The following FBN2 variants were observed in gnomAD, a reference collection of about 807,000 sequenced individuals.
FBN2 encodes the protein fibrillin-2.
A neutral mutation model predicts 355.6 loss-of-function variants in FBN2; 105 were observed. The ratio of observed to expected loss-of-function variants is 0.30; its 90% CI spans 0.25 to 0.35. The LOEUF (loss-of-function observed/expected upper bound fraction) is 0.35, where lower values mean the gene tolerates loss of function less well. Among genes scored for constraint, FBN2 ranks in the 10% least tolerant of loss-of-function variants. The pLI is 1.00. For synonymous variants in FBN2, 1,350 were observed against 1,301.2 expected, an observed-to-expected ratio of 1.04 and a Z score of -0.81; for missense variants, 3,280 against 3,758.7, an observed-to-expected ratio of 0.87 and a Z score of 3.33.
intron 5 of FBN2, among the ~76,000 whole-genome samples, chr5:128,490,749 A>G (rs952993946): frequency 8.5e-5 from 13 of 152,226 alleles, no homozygotes; most frequent in Non-Finnish European, 1.3e-4. Context: ...TAAATTCTTA[A>G]TGATAAATGC....
intron 15 of FBN2, among the ~76,000 whole-genome samples, chr5:128,372,015 A>G (rs1751957096): frequency 6.6e-6 from 1 of 152,200 alleles, no homozygotes; most frequent in African/African-American, 2.4e-5. Context: ...CCTAGATATG[A>G]TACCACTATT....
In FBN2 at chr5:128,318,856, A is replaced by G. The variant is rs762808907; in HGVS notation, c.4594+23T>C. Reference sequence around the variant, plus strand: ...ACTCATTTCAATGAATCAGAACACAACTTAGCTGGTAACTGACCATACCTG... The same window carrying G: ...ACTCATTTCAATGAATCAGAACACAGCTTAGCTGGTAACTGACCATACCTG... On this transcript the variant is annotated intron_variant, in intron 35 of 64. Coordinates refer to ENST00000262464, the MANE Select transcript of FBN2 (RefSeq NM_001999.4). 2.5e-6 allele frequency: 4 copies of G among 1,610,030 alleles called. No individual in the cohort carries two copies. In the South Asian group the frequency reaches 3.3e-5, roughly 13 times the overall value.
chr5:128,318,223 A>C lies in FBN2; in HGVS notation c.4643T>G (p.Val1548Gly). Residue 1548 changes from valine to glycine, a missense_variant, in exon 36 of 65, where the codon GTC becomes GGC. Val to Gly is a moderately radical substitution (Grantham distance 109). This residue lies in a region of FBN2 where 2,284 missense variants were observed against 2,749.5 expected (regional missense o/e 0.83). Transcript: ENST00000262464. Reference protein sequence around the residue: ...DPINCVNGLCVNTPGRYECNC... With the variant: ...DPINCVNGLCGNTPGRYECNC... ...ACACTCATAGCGACCAGGCGTGTTG[A>C]CACATAGGCCATTGACACAGTTTAT... 2 of 1,614,006 alleles carry C rather than the reference A, an allele frequency of 1.2e-6. No homozygotes were observed. The highest frequency in any genetic ancestry group is 1.7e-6 in the Non-Finnish European group (2 of 1,179,872).
At chr5:128,271,467 T>A (rs1476916199) in intron 62 of FBN2, among the ~76,000 whole-genome samples, 1 of 152,216 alleles carries the variant, frequency 6.6e-6, no homozygotes, top group African/African-American at 2.4e-5. Flanking sequence ...GAGAGCCACG[T>A]ATTTTATTTT....
At chr5:128,484,554 G>T (rs1301979557) in intron 5 of FBN2, among the ~76,000 whole-genome samples, 1 of 152,186 alleles carries the variant, frequency 6.6e-6, no homozygotes, top group Non-Finnish European at 1.5e-5. Flanking sequence ...TATGTGAAAA[G>T]ATGTGCAAAC....
chr5:128,423,721 G>C (rs1227530620), intron 7 of FBN2, among the ~76,000 whole-genome samples: 1 of 152,130 alleles, frequency 6.6e-6, no homozygotes, highest in Non-Finnish European at 1.5e-5. Context: ...ACTTTATCCT[G>C]AGAATGGGAG....
At chr5:128,499,084 T>C (rs1755735151) in intron 5 of FBN2, among the ~76,000 whole-genome samples, 1 of 152,200 alleles carries the variant, frequency 6.6e-6, no homozygotes, top group African/African-American at 2.4e-5. Context: ...CTTCTTACAT[T>C]GGGATTTAAA....
chr5:128,448,358 G>C (rs577241288), intron 6 of FBN2, among the ~76,000 whole-genome samples: 14 of 151,482 alleles, frequency 9.2e-5, no homozygotes, highest in African/African-American at 3.2e-4. Flanking sequence ...AGGCTGGAGT[G>C]TGCAGTGGCG....
At position 128,351,096 on chromosome 5, in the gene FBN2, T is replaced by C. The variant is rs1365822574; in HGVS notation, c.2675-91A>G. 2.0e-6 allele frequency: 3 copies of C among 1,504,742 alleles called. No homozygotes were observed. In the East Asian group the frequency reaches 6.8e-5, roughly 34 times the overall value. 93.2% of individuals were successfully genotyped at this position (1,504,742 alleles called of 1,614,324 possible). A position where few individuals can be genotyped will look rare whatever the true frequency, so the allele number is the denominator to read the frequency against. On this transcript the variant is annotated intron_variant, in intron 20 of 64. Coordinates refer to ENST00000262464, the MANE Select transcript of FBN2 (RefSeq NM_001999.4). ...ACAAAAGGCATTTGTTACAGTATTC[T>C]AAAAAAGAAAGATTACTGGCTCACG...
chr5:128,269,370 T>C (rs1327127887), intron 62 of FBN2, among the ~76,000 whole-genome samples: 1 of 147,784 alleles, frequency 6.8e-6, no homozygotes, highest in East Asian at 2.0e-4. Flanking sequence ...AGGGAGGAGG[T>C]GGAAGTTGCA....
At chr5:128,274,725 C>G in intron 59 of FBN2, 42 bp from the exon 60 acceptor site, 2 of 1,166,524 alleles carry the variant, frequency 1.7e-6, no homozygotes, top group Non-Finnish European at 2.6e-6. Context: ...AGTAGACTAT[C>G]TGGCTATGTT....
intron 6 of FBN2, among the ~76,000 whole-genome samples, chr5:128,450,352 C>G (rs960927456): frequency 1.3e-5 from 2 of 151,878 alleles, no homozygotes; most frequent in Admixed American, 1.3e-4. Context: ...CCAAACACAA[C>G]AGAGTTAAAC....
intron 7 of FBN2, chr5:128,442,449 T>C: frequency 2.3e-6 from 1 of 438,836 alleles, no homozygotes; most frequent in South Asian, 1.6e-5. Context: ...TTTCATATTA[T>C]ATTGATGTGT....
At chr5:128,487,970 G>T (rs1755383587) in intron 5 of FBN2, among the ~76,000 whole-genome samples, 1 of 152,090 alleles carries the variant, frequency 6.6e-6, no homozygotes, top group Non-Finnish European at 1.5e-5. Flanking sequence ...CATGTAAACA[G>T]AATGTAGACT....
intron 4 of FBN2, among the ~76,000 whole-genome samples, chr5:128,523,648 T>C (rs1440477045): frequency 6.6e-6 from 1 of 152,072 alleles, no homozygotes; most frequent in Non-Finnish European, 1.5e-5. Context: ...AAAACTCTTA[T>C]CCTCAGCCCC....
At chr5:128,530,526 A>C in intron 3 of FBN2, 69 bp downstream of exon 3, 1 of 1,019,394 alleles carries the variant, frequency 9.8e-7, no homozygotes, top group South Asian at 1.3e-5. Flanking sequence ...TGGCACATAG[A>C]AGGACCTTTA....
chr5:128,296,002 A>G (rs1158573066), intron 48 of FBN2, among the ~76,000 whole-genome samples: 1 of 151,700 alleles, frequency 6.6e-6, no homozygotes, highest in East Asian at 1.9e-4. Context: ...CTATTTTGAG[A>G]TACGTCCCAT....
chr5:128,455,990 C>CAAAAAAAAAAAAAAAAACAA (rs1754376445), intron 6 of FBN2, among the ~76,000 whole-genome samples: 1 of 25,270 alleles, frequency 4.0e-5, no homozygotes, highest in Non-Finnish European at 7.9e-5. Context: ...GGGTTAGCAA[C>CAAAAAAAAAAAAAAAAACAA]AAAAAAAAAA....
intron 5 of FBN2, among the ~76,000 whole-genome samples, chr5:128,515,702 A>G (rs981050328): frequency 1.3e-5 from 2 of 152,256 alleles, no homozygotes; most frequent in African/African-American, 4.8e-5. Flanking sequence ...CTCACCTTTA[A>G]TTCCACTGAA....
Sources: allele counts gnomAD v4.1 joint callset (sites outside exome capture counted in the v4.1 genomes callset), GRCh38; gene constraint gnomAD v4.1.1; regional missense constraint gnomAD v4.1.1; transcripts MANE v1.5; gene names NCBI Gene and HGNC (gene_info 2026-07-23, HGNC 2026-07-21).